Variants in TRIM25 observed in about 807,000 individuals in gnomAD.
The protein encoded by TRIM25 is tripartite motif containing 25, also known as E3 ubiquitin/ISG15 ligase TRIM25.
Under a neutral mutation model 65.2 loss-of-function variants are expected in TRIM25, and 45 were observed. The ratio of observed to expected loss-of-function variants is 0.69; its 90% CI spans 0.54 to 0.89. TRIM25 has a LOEUF of 0.89. TRIM25 is among the 40% of genes least tolerant of loss of function. TRIM25 has a pLI of 0.00. For synonymous variants in TRIM25, 321 were observed against 340.4 expected (o/e 0.94, Z 0.63); for missense variants, 714 against 803.7 (o/e 0.89, Z 1.35).
chr17:56,905,060 T>A (rs1258738783), intron 2 of TRIM25, among the ~76,000 whole-genome samples: 1 of 152,100 alleles, frequency 6.6e-6, no homozygotes, highest in Non-Finnish European at 1.5e-5. Context: ...AGGGATAGAA[T>A]AAGGGAGAAA....
Position 56,913,372 on chromosome 17 carries a change from C to T in TRIM25, c.597+20G>A. On this transcript the variant is annotated intron_variant, in intron 1 of 8. Transcript: ENST00000316881. The surrounding 1 kb of genome is among the most constrained non-coding windows in gnomAD (Gnocchi z 6.1). ...CCATCAGGCCAGGCTGCCCTCTGCACCCAGCAGGCCGTTCCCTACCTCCAG... is the reference window on the plus strand; with the variant it reads ...CCATCAGGCCAGGCTGCCCTCTGCATCCAGCAGGCCGTTCCCTACCTCCAG... The T allele has an allele frequency of 6.5e-7, 1 of 1,539,686 alleles. No homozygotes were observed. Among genetic ancestry groups the T allele is most frequent in the Non-Finnish European group, 8.8e-7 (1 of 1,138,902 alleles).
chr17:56,889,466 T>C lies in TRIM25; in HGVS notation c.*2234A>G. On this transcript the variant is annotated 3_prime_UTR_variant, in exon 9 of 9. Coordinates refer to ENST00000316881, the MANE Select transcript of TRIM25 (RefSeq NM_005082.5). ...CCAACTCTAGGACTCCAGGGTTGTG[T>C]GGCGGCCCTGCAAGGCTAGGTTATG... The C allele has an allele frequency of 3.3e-6, 1 of 304,608 alleles. No homozygotes were observed. Among genetic ancestry groups the C allele is most frequent in the Non-Finnish European group, 6.0e-6 (1 of 166,690 alleles). 18.9% of individuals were successfully genotyped at this position (304,608 alleles called of 1,614,324 possible).
intron 8 of TRIM25, 146 bp from the exon 9 acceptor site, chr17:56,892,375 A>G (rs1598069953): frequency 1.2e-6 from 1 of 825,062 alleles, no homozygotes; most frequent in African/African-American, 2.1e-5. Flanking sequence ...TCATCTATCC[A>G]TCTGTCTGTC....
chr17:56,889,702 G>A lies in TRIM25; in HGVS notation c.*1998C>T. On this transcript the variant is annotated 3_prime_UTR_variant, in exon 9 of 9. Transcript: ENST00000316881. ...CTCATTTCTGCAGAAGAGAGCCAGA[G>A]CAGGAGCCATGGATTTATCTCTGGC... 2.5e-6 allele frequency: 1 copy of A among 398,606 alleles called. No homozygotes were observed. The highest frequency in any genetic ancestry group is 4.4e-6 in the Non-Finnish European group (1 of 226,050). The allele number at this position is 398,606 out of a possible 1,614,324, so 24.7% of individuals were successfully genotyped here. A position where few individuals can be genotyped will look rare whatever the true frequency, so the allele number is the denominator to read the frequency against.
intron 3 of TRIM25, among the ~76,000 whole-genome samples, chr17:56,903,895 A>G (rs1909465202): frequency 6.6e-6 from 1 of 152,124 alleles, no homozygotes; most frequent in South Asian, 2.1e-4. Flanking sequence ...TCCTACAACC[A>G]TAAGGAACTA....
At chr17:56,908,427 G>T in intron 2 of TRIM25, 41 bp downstream of exon 2, 1 of 1,599,036 alleles carries the variant, frequency 6.3e-7, no homozygotes, top group Non-Finnish European at 8.5e-7. Flanking sequence ...GCTGAGCGAA[G>T]CCACAGGGCA....
chr17:56,896,223 T>C (rs1909289909), intron 5 of TRIM25, among the ~76,000 whole-genome samples: 1 of 152,098 alleles, frequency 6.6e-6, no homozygotes, highest in Admixed American at 6.5e-5. Context: ...TGGTAACACA[T>C]GTATGCATTT....
intron 5 of TRIM25, among the ~76,000 whole-genome samples, chr17:56,897,405 A>C (rs1909315883): frequency 6.6e-6 from 1 of 150,716 alleles, no homozygotes; most frequent in African/African-American, 2.4e-5. Flanking sequence ...TCACACCACA[A>C]AGCCCCCTTG....
At chr17:56,912,530 C>T (rs73311829) in intron 1 of TRIM25, among the ~76,000 whole-genome samples, 1,917 of 152,268 alleles carry the variant, frequency 0.013, 42 homozygotes, top group African/African-American at 0.044. Context: ...AACTCTCCGG[C>T]CCACCAAAGG....
At chr17:56,908,945 C>A (rs1400602988) in intron 1 of TRIM25, among the ~76,000 whole-genome samples, 1 of 152,044 alleles carries the variant, frequency 6.6e-6, no homozygotes, top group African/African-American at 2.4e-5. Flanking sequence ...GAAAAACATA[C>A]TAAATGCCAG....
rs535711571 is a variant in TRIM25 at position 56,905,978 on chromosome 17, T to C, written c.694-1490A>G. ...ACCTGTCCTAAAAAAGATAGATAAA[T>C]AAAATACAATAAATCTCATGTACTA... On this transcript the variant is annotated intron_variant, in intron 2 of 8. Transcript: ENST00000316881. Among the ~76,000 whole-genome samples the C allele has an allele frequency of 5.9e-5, 9 of 152,226 alleles. No individual in the cohort carries two copies. In the East Asian group the frequency reaches 1.7e-3, roughly 29 times the overall value.
At chr17:56,909,616 T>C (rs1366374906) in intron 1 of TRIM25, among the ~76,000 whole-genome samples, 2 of 150,596 alleles carry the variant, frequency 1.3e-5, no homozygotes, top group East Asian at 2.0e-4. Flanking sequence ...TTCCGGGAGG[T>C]TGAGCCTGCA....
chr17:56,897,346 A>G lies in TRIM25; in HGVS notation c.1154-1394T>C, dbSNP rs549611202. Among the ~76,000 whole-genome samples the G allele has an allele frequency of 9.0e-3, 1,373 of 152,284 alleles. 27 individuals are homozygous for G. Among genetic ancestry groups the G allele is most frequent in the African/African-American group, 0.032 (1,309 of 41,544 alleles). Reference sequence around the variant, plus strand: ...CCACCTGCAGGACACCTGACATTACAGATAAGCCCTGCTCTCTCCTATTAC... The same window carrying G: ...CCACCTGCAGGACACCTGACATTACGGATAAGCCCTGCTCTCTCCTATTAC... On this transcript the variant is annotated intron_variant, in intron 5 of 8. Transcript: ENST00000316881.
intron 4 of TRIM25, 90 bp downstream of exon 4, chr17:56,901,329 C>A: frequency 7.0e-7 from 1 of 1,432,028 alleles, no homozygotes; most frequent in Non-Finnish European, 9.5e-7. Context: ...TGCTCGGGAT[C>A]ACGCCCCAAT....
rs1030442935 is a variant in TRIM25, at chr17:56,890,737, C to A, written c.*963G>T. The A allele has an allele frequency of 1.1e-5, 5 of 456,616 alleles. No homozygotes were observed. The highest frequency in any genetic ancestry group is 7.7e-5 in the South Asian group (5 of 64,564). The allele number at this position is 456,616 out of a possible 1,614,324, so 28.3% of individuals were successfully genotyped here. A position where few individuals can be genotyped will look rare whatever the true frequency, so the allele number is the denominator to read the frequency against. On this transcript the variant is annotated 3_prime_UTR_variant, in exon 9 of 9. Transcript: ENST00000316881. ...CAATCCAGGGAAGAGAGGCTATCAC[C>A]GAGAAGAGTTGTCAGTAAGAAGGCA...
chr17:56,891,550 T>TGCCA lies in TRIM25; in HGVS notation c.*149_*150insTGGC. 1 of 572,756 alleles carries TGCCA rather than the reference T, an allele frequency of 1.7e-6. No homozygotes were observed. The highest frequency in any genetic ancestry group is 3.0e-6 in the Non-Finnish European group (1 of 333,628). The allele number at this position is 572,756 out of a possible 1,614,324, so 35.5% of individuals were successfully genotyped here. ...CACTCTCACCCCTTTCCTGGCTAAA[T>TGCCA]CCCACCTCCCACCCTCCCGCCAGCT... On this transcript the variant is annotated 3_prime_UTR_variant, in exon 9 of 9. Transcript: ENST00000316881.
Position 56,913,299 on chromosome 17 carries a change from G to C in TRIM25, c.597+93C>G. 3 of 1,226,362 alleles carry C rather than the reference G, an allele frequency of 2.4e-6. No homozygotes were observed. The highest frequency in any genetic ancestry group is 3.3e-6 in the Non-Finnish European group (3 of 895,698). 76.0% of individuals were successfully genotyped at this position (1,226,362 alleles called of 1,614,324 possible). On this transcript the variant is annotated intron_variant, in intron 1 of 8. Coordinates refer to ENST00000316881, the MANE Select transcript of TRIM25 (RefSeq NM_005082.5). This position sits in a 1 kb window ranked among gnomAD's most constrained non-coding sequence, Gnocchi z 6.1. ...CTCGAATTCAGGCCCATCTCCCCAGGGCGTCCAGAGTGTGGCAGAGAGGCC... is the reference window on the plus strand; with the variant it reads ...CTCGAATTCAGGCCCATCTCCCCAGCGCGTCCAGAGTGTGGCAGAGAGGCC...
chr17:56,892,132 G>A lies in TRIM25; in HGVS notation c.1461C>T (p.Asn487=). The A allele has an allele frequency of 2.5e-6, 4 of 1,614,200 alleles. No homozygotes were observed. The highest frequency in any genetic ancestry group is 3.4e-6 in the Non-Finnish European group (4 of 1,180,042). The change falls in exon 9 of 9, where the codon AAC becomes AAT. Residue 487 remains asparagine (N), a synonymous_variant. Coordinates refer to ENST00000316881, the MANE Select transcript of TRIM25 (RefSeq NM_005082.5). The part of the protein sequence containing the change: ...TVASVAEMPQ[N]YRPHPQRFTY... ...TGAACCTCTGGGGATGCGGCCGGTA[G>A]TTCTGAGGCATCTCAGCCACAGAAG...
At chr17:56,893,345 G>A (rs1774422730) in intron 8 of TRIM25, among the ~76,000 whole-genome samples, 1 of 152,090 alleles carries the variant, frequency 6.6e-6, no homozygotes, top group Non-Finnish European at 1.5e-5. Context: ...TACTTTCCCT[G>A]TTTATGCGGC....
Sources: gnomAD v4.1 joint callset for allele counts (sites outside exome capture counted in the v4.1 genomes callset) on GRCh38, gnomAD v4.1.1 for gene constraint, Gnocchi (gnomAD v3.1) non-coding constraint, MANE v1.5 for transcripts, NCBI Gene and HGNC (gene_info 2026-07-23, HGNC 2026-07-21) for gene names.